The following FOXP1 variants were observed in gnomAD, a reference collection of about 807,000 sequenced individuals.
The protein encoded by FOXP1 is forkhead box P1, also known as forkhead box protein P1.
Under a neutral mutation model 98.2 loss-of-function variants are expected in FOXP1, and 15 were observed. The observed-to-expected ratio is 0.15, with a 90% CI of 0.10 to 0.24. FOXP1 has a LOEUF of 0.24. Among genes scored for constraint, FOXP1 ranks in the 10% least tolerant of loss-of-function variants. The probability of loss-of-function intolerance (pLI) is 1.00; values close to 1 mark genes in which losing one functional copy is unlikely to be tolerated. For missense variants in FOXP1, 633 were observed against 848.5 expected (o/e 0.75, Z 3.15); for synonymous variants, 371 against 314.5 (o/e 1.18, Z -1.90).
chr3:71,316,356 G>A (rs1208717480), intron 4 of FOXP1, among the ~76,000 whole-genome samples: 1 of 152,188 alleles, frequency 6.6e-6, no homozygotes, highest in African/African-American at 2.4e-5. Context: ...GCTAGAGCTA[G>A]TGGCCATCGG....
intron 4 of FOXP1, among the ~76,000 whole-genome samples, chr3:71,352,539 T>G (rs2107849648): frequency 6.6e-6 from 1 of 150,888 alleles, no homozygotes; most frequent in East Asian, 2.0e-4. Context: ...CAGATCCTAC[T>G]TTGCTCCATA....
chr3:71,513,482 A>T (rs2042347035), intron 2 of FOXP1, among the ~76,000 whole-genome samples: 1 of 152,044 alleles, frequency 6.6e-6, no homozygotes, highest in Non-Finnish European at 1.5e-5. Flanking sequence ...TCTCCCCGCC[A>T]AGCTTCCTAA....
chr3:71,001,314 T>A (rs1475034436), intron 12 of FOXP1, among the ~76,000 whole-genome samples: 2 of 152,126 alleles, frequency 1.3e-5, no homozygotes, highest in Non-Finnish European at 2.9e-5. Context: ...CATTTACACA[T>A]AAATAAGTAA....
At chr3:71,142,962 A>AAGGGC (rs534818407) in intron 6 of FOXP1, among the ~76,000 whole-genome samples, 1,565 of 151,862 alleles carry the variant, frequency 0.01, 30 homozygotes, top group African/African-American at 0.035. Context: ...GCAGGAAAGA[A>AAGGGC]AGGGCAGGGC....
intron 5 of FOXP1, among the ~76,000 whole-genome samples, chr3:71,249,083 T>C (rs1481748265): frequency 1.3e-5 from 2 of 152,266 alleles, no homozygotes; most frequent in African/African-American, 4.8e-5. Context: ...AACATCCTAA[T>C]TTAGCATTGG....
intron 4 of FOXP1, among the ~76,000 whole-genome samples, chr3:71,322,070 G>A (rs987237852): frequency 6.6e-6 from 1 of 152,214 alleles, no homozygotes; most frequent in African/African-American, 2.4e-5. Context: ...ATTTGTATAT[G>A]TGTAGAGAGG....
At chr3:71,502,062 GAA>G in intron 2 of FOXP1, among the ~76,000 whole-genome samples, 1 of 152,220 alleles carries the variant, frequency 6.6e-6, no homozygotes, top group East Asian at 1.9e-4. Context: ...GAGTCCCCCA[GAA>G]GCCCACTTGG....
At chr3:71,194,479 A>G (rs1184816807) in intron 6 of FOXP1, among the ~76,000 whole-genome samples, 1 of 152,166 alleles carries the variant, frequency 6.6e-6, no homozygotes, top group Admixed American at 6.5e-5. Context: ...AAAAGCTCTC[A>G]TTTGCAGCAA....
At chr3:71,502,625 G>A (rs2107208215) in intron 2 of FOXP1, among the ~76,000 whole-genome samples, 1 of 152,212 alleles carries the variant, frequency 6.6e-6, no homozygotes, top group African/African-American at 2.4e-5. Context: ...TGGGTTGCCG[G>A]TAACCAAGGC....
intron 7 of FOXP1, among the ~76,000 whole-genome samples, chr3:71,093,373 A>C (rs1466687036): frequency 6.6e-6 from 1 of 150,688 alleles, no homozygotes; most frequent in Non-Finnish European, 1.5e-5. Context: ...GCATTAATCA[A>C]AATAATAGCC....
chr3:70,991,372 T>G (rs929621685), intron 13 of FOXP1, among the ~76,000 whole-genome samples: 2 of 152,178 alleles, frequency 1.3e-5, no homozygotes, highest in Non-Finnish European at 2.9e-5. Context: ...TAAGACAGTC[T>G]GGGCTGTGAA....
At chr3:71,512,774 T>G (rs1273323375) in intron 2 of FOXP1, among the ~76,000 whole-genome samples, 1 of 152,162 alleles carries the variant, frequency 6.6e-6, no homozygotes, top group African/African-American at 2.4e-5. Context: ...CCTGGTGCCG[T>G]CATCTCTTCC....
chr3:71,445,074 T>C (rs1182254327), intron 3 of FOXP1, among the ~76,000 whole-genome samples: 1 of 152,224 alleles, frequency 6.6e-6, no homozygotes, highest in Admixed American at 6.5e-5. Flanking sequence ...GCAGACCACG[T>C]GGCAGGCATG....
At chr3:71,109,023 A>C (rs961901149) in intron 7 of FOXP1, among the ~76,000 whole-genome samples, 1 of 152,254 alleles carries the variant, frequency 6.6e-6, no homozygotes, top group Non-Finnish European at 1.5e-5. Context: ...TCATAAAAAA[A>C]TTTGCGAAGC....
intron 6 of FOXP1, among the ~76,000 whole-genome samples, chr3:71,170,706 A>G (rs569361429): frequency 1.3e-5 from 2 of 152,274 alleles, no homozygotes; most frequent in East Asian, 3.9e-4. Flanking sequence ...TAATTATACA[A>G]TTTGTGTTAA....
chr3:70,978,772 G>A lies in FOXP1; in HGVS notation c.1147-743C>T, dbSNP rs372739595. Among the ~76,000 whole-genome samples the A allele has an allele frequency of 2.6e-5, 4 of 152,216 alleles. No individual in the cohort carries two copies. The South Asian group carries it at 8.3e-4, about 32-fold the overall frequency. Reference sequence around the variant, plus strand: ...AGTTGGCAGAAAATAATCCTTAACAGCATTATGAATAACCTTTATTAAATC... The same window carrying A: ...AGTTGGCAGAAAATAATCCTTAACAACATTATGAATAACCTTTATTAAATC... On this transcript the variant is annotated intron_variant, in intron 14 of 20. Transcript: ENST00000649528.
In FOXP1 at chr3:70,959,345, C is replaced by T. The variant is rs756987886; in HGVS notation, c.1936G>A (p.Glu646Lys). 2 of 1,614,120 alleles carry T rather than the reference C, an allele frequency of 1.2e-6. No individual in the cohort carries two copies. The highest frequency in any genetic ancestry group is 1.7e-5 in the Admixed American group (1 of 60,024). Residue 646 changes from glutamate (E) to lysine (K), a missense_variant, in exon 21 of 21, where the codon GAA becomes AAA. Transcript: ENST00000649528. ...KEEPLDPEEA[E>K]GPLSLVTTAN... ...GTTGTCACTAAGGACAGGGGCCCTT[C>T]AGCTTCCTCTGGATCGAGGGGCTCT...
chr3:71,106,998 G>A (rs575239061), intron 7 of FOXP1, among the ~76,000 whole-genome samples: 2 of 152,024 alleles, frequency 1.3e-5, no homozygotes, highest in East Asian at 3.9e-4. Flanking sequence ...CTAACTCCTG[G>A]ACTTAAGTGA....
Position 71,427,186 on chromosome 3 carries a change from G to A in FOXP1, c.-168+66240C>T, listed in dbSNP as rs184107163. Among the ~76,000 whole-genome samples the A allele has an allele frequency of 7.9e-5, 12 of 151,440 alleles. No homozygotes were observed. In the East Asian group the frequency reaches 1.2e-3, roughly 15 times the overall value. On this transcript the variant is annotated intron_variant, in intron 3 of 20. Transcript: ENST00000649528. ...TTAACAGATCATAAAGGCAGGAATC[G>A]CAGCTGTTTGGGTCACCACCATATA...
Sources: gnomAD v4.1 joint callset for allele counts (sites outside exome capture counted in the v4.1 genomes callset) on GRCh38, gnomAD v4.1.1 for gene constraint, MANE v1.5 for transcripts, NCBI Gene and HGNC (gene_info 2026-07-23, HGNC 2026-07-21) for gene names.